Variants in NEXN observed in about 807,000 individuals in gnomAD.
The protein encoded by NEXN is nexilin F-actin binding protein, also known as nexilin.
Under a neutral mutation model 92.6 loss-of-function variants are expected in NEXN, and 65 were observed. That is an observed-to-expected ratio of 0.70 (90% CI 0.57 to 0.86). The LOEUF (loss-of-function observed/expected upper bound fraction) is 0.86, where lower values mean the gene tolerates loss of function less well. Among genes scored for constraint, NEXN ranks in the 40% least tolerant of loss-of-function variants. The probability of loss-of-function intolerance (pLI) is 0.00; values close to 1 mark genes in which losing one functional copy is unlikely to be tolerated. For synonymous variants in NEXN, 254 were observed against 242.5 expected, an observed-to-expected ratio of 1.05 and a Z score of -0.44; for missense variants, 778 against 771.1, an observed-to-expected ratio of 1.01 and a Z score of -0.11.
chr1:77,922,192 T>C (rs1571123791), intron 5 of NEXN, among the ~76,000 whole-genome samples: 1 of 147,072 alleles, frequency 6.8e-6, no homozygotes, highest in Admixed American at 7.0e-5. Flanking sequence ...CAGGCTGGAG[T>C]GCAGTGGCAC....
intron 8 of NEXN, among the ~76,000 whole-genome samples, chr1:77,928,509 TAATA>T (rs1268882416): frequency 6.6e-6 from 1 of 151,952 alleles, no homozygotes; most frequent in Non-Finnish European, 1.5e-5. Flanking sequence ...GTGGTCAACT[TAATA>T]AAGAAATAGT....
At chr1:77,890,504 A>G (rs1035240907) in intron 1 of NEXN, among the ~76,000 whole-genome samples, 2 of 152,206 alleles carry the variant, frequency 1.3e-5, no homozygotes, top group Non-Finnish European at 2.9e-5. Flanking sequence ...TGTCATCTTG[A>G]GATGACTATA....
intron 1 of NEXN, among the ~76,000 whole-genome samples, chr1:77,898,263 C>T (rs1295721874): frequency 1.3e-5 from 2 of 152,192 alleles, no homozygotes; most frequent in South Asian, 2.1e-4. Context: ...TCAAACTATA[C>T]TACAAGGCTA....
chr1:77,908,494 G>A (rs549941211), intron 1 of NEXN, among the ~76,000 whole-genome samples: 60 of 149,292 alleles, frequency 4.0e-4, no homozygotes, highest in African/African-American at 1.4e-3. Flanking sequence ...TCTGCCTCCC[G>A]GGTTCAAGCA....
chr1:77,936,135 C>T, intron 11 of NEXN, 91 bp downstream of exon 11: 1 of 965,308 alleles, frequency 1.0e-6, no homozygotes. Context: ...AGTTTTAGTA[C>T]TTAAAATTAA....
chr1:77,942,623 G>A lies in NEXN; in HGVS notation c.1822G>A (p.Glu608Lys), dbSNP rs201427461. Residue 608 changes from glutamate (E) to lysine (K), a missense_variant, in exon 13 of 13, where the codon GAA (glutamate) becomes AAA (lysine). This residue lies in a region of NEXN where 532 missense variants were observed against 476.7 expected (regional missense o/e 1.12). Coordinates refer to ENST00000334785, the MANE Select transcript of NEXN (RefSeq NM_144573.4). ...PVRFTVKVTG[E>K]PKPEITWWFE... ...CAGATTTACGGTTAAAGTAACAGGA[G>A]AACCCAAACCAGAAATTACATGGTG... The A allele has an allele frequency of 6.2e-7, 1 of 1,613,716 alleles. No homozygotes were observed. The highest frequency in any genetic ancestry group is 2.2e-5 in the East Asian group (1 of 44,866).
At chr1:77,936,159 C>T in intron 11 of NEXN, 115 bp downstream of exon 11, 1 of 716,510 alleles carries the variant, frequency 1.4e-6, no homozygotes, top group Admixed American at 2.8e-5. Context: ...TTGGTATATA[C>T]AGTAATCTGG....
At chr1:77,928,767 A>C (rs1337493710) in intron 8 of NEXN, among the ~76,000 whole-genome samples, 3 of 152,198 alleles carry the variant, frequency 2.0e-5, no homozygotes, top group African/African-American at 7.2e-5. Context: ...TATAGTACAC[A>C]CATACGCATT....
At position 77,942,488 on chromosome 1, in the gene NEXN, G is replaced by T. The variant is rs1060499571; in HGVS notation, c.1687G>T (p.Gly563Cys). Residue 563 changes from glycine to cysteine, a missense_variant, in exon 13 of 13, where the codon GGT becomes TGT. This residue lies in a region of NEXN where 532 missense variants were observed against 476.7 expected (regional missense o/e 1.12). Transcript: ENST00000334785. ...AAGAGAAGAGGAGGAGGAGGAAGAA[G>T]GTAGCATCATGAATGGCTCCACTGC... The part of the protein sequence containing the change: ...KKREEEEEEE[G>C]SIMNGSTAED... 1 of 1,613,686 alleles carries T rather than the reference G, an allele frequency of 6.2e-7. No homozygotes were observed. Among genetic ancestry groups the T allele is most frequent in the Non-Finnish European group, 8.5e-7 (1 of 1,179,836 alleles).
intron 10 of NEXN, among the ~76,000 whole-genome samples, chr1:77,935,447 A>G (rs1289244631): frequency 2.0e-5 from 3 of 152,248 alleles, no homozygotes; most frequent in Non-Finnish European, 4.4e-5. Flanking sequence ...TTATCAAGGA[A>G]TGTCAGAGGA....
chr1:77,899,303 A>G (rs1647495880), intron 1 of NEXN, among the ~76,000 whole-genome samples: 2 of 152,174 alleles, frequency 1.3e-5, no homozygotes, highest in South Asian at 4.2e-4. Flanking sequence ...TGTGGCACAT[A>G]TACACCATGG....
chr1:77,928,710 T>C lies in NEXN; in HGVS notation c.865-606T>C, dbSNP rs375065732. Among the ~76,000 whole-genome samples the C allele has an allele frequency of 2.3e-3, 352 of 152,232 alleles. 1 individual carries two copies. The highest frequency in any genetic ancestry group is 0.01 in the Middle Eastern group (3 of 294). ...TACAAAAATTACAAAATGAGAACAT[T>C]ATTTTACTACCAAAGAGATTCTGTG... On this transcript the variant is annotated intron_variant, in intron 8 of 12. Coordinates refer to ENST00000334785, the MANE Select transcript of NEXN (RefSeq NM_144573.4).
chr1:77,905,178 C>G (rs1484848289), intron 1 of NEXN, among the ~76,000 whole-genome samples: 1 of 150,332 alleles, frequency 6.7e-6, no homozygotes, highest in Non-Finnish European at 1.5e-5. Flanking sequence ...AGGAGAATCG[C>G]TTGAACCCGG....
chr1:77,930,028 T>C (rs1351321573), intron 9 of NEXN, among the ~76,000 whole-genome samples: 1 of 152,226 alleles, frequency 6.6e-6, no homozygotes, highest in African/African-American at 2.4e-5. Context: ...CTAACTTAAC[T>C]GTCACAAGGT....
At chr1:77,891,341 C>T (rs1436233817) in intron 1 of NEXN, among the ~76,000 whole-genome samples, 1 of 152,098 alleles carries the variant, frequency 6.6e-6, no homozygotes, top group Non-Finnish European at 1.5e-5. Flanking sequence ...TTTTCCCATG[C>T]ATAGAACTCT....
At chr1:77,934,362 G>T (rs970688482) in intron 10 of NEXN, among the ~76,000 whole-genome samples, 2 of 152,078 alleles carry the variant, frequency 1.3e-5, no homozygotes, top group Admixed American at 1.3e-4. Context: ...TGCCCAGGCT[G>T]GTCTCAAACT....
rs752936710 is a variant in NEXN, at chr1:77,942,759, T to A, written c.1958T>A (p.Met653Lys). The change falls in exon 13 of 13, where the codon ATG becomes AAG. Residue 653 changes from methionine to lysine, a missense_variant. Met to Lys is a moderately conservative substitution (Grantham distance 95). Transcript: ENST00000334785. ...TTCCCAGAAGATGGAGGAGAGTATA[T>A]GTGTAAAGCAGTCAACAATAAAGGA... is the stretch of plus-strand genomic sequence containing the variant. ...ETFPEDGGEYMCKAVNNKGSA... is the reference protein window; with the variant it reads ...ETFPEDGGEYKCKAVNNKGSA... 6.2e-7 allele frequency: 1 copy of A among 1,613,498 alleles called. No individual in the cohort carries two copies. The highest frequency in any genetic ancestry group is 8.5e-7 in the Non-Finnish European group (1 of 1,179,682).
chr1:77,925,277 T>C, intron 6 of NEXN, 48 bp downstream of exon 6: 1 of 1,289,936 alleles, frequency 7.8e-7, no homozygotes, highest in South Asian at 1.2e-5. Flanking sequence ...AATTATCTGA[T>C]TCACAAATTA....
intron 9 of NEXN, 22 bp downstream of exon 9, chr1:77,929,526 G>C (rs577142341): frequency 4.3e-6 from 7 of 1,611,184 alleles, no homozygotes; most frequent in Non-Finnish European, 5.9e-6. Flanking sequence ...GCTAACTGGA[G>C]AATGCTATTA....
Sources: gnomAD v4.1 joint callset for allele counts (sites outside exome capture counted in the v4.1 genomes callset) on GRCh38, gnomAD v4.1.1 for gene constraint, gnomAD v4.1.1 regional missense constraint, MANE v1.5 for transcripts, NCBI Gene and HGNC (gene_info 2026-07-23, HGNC 2026-07-21) for gene names.